Variants in GPAT2 observed in about 807,000 individuals in gnomAD.
GPAT2 encodes the protein glycerol-3-phosphate acyltransferase 2, mitochondrial, also known as 1-acylglycerol-3-phosphate O-acyltransferase GPAT2.
GPAT2 carries 51 observed loss-of-function variants against 71.0 expected under a neutral mutation model. The ratio of observed to expected loss-of-function variants is 0.72; its 90% CI spans 0.57 to 0.91. The LOEUF (loss-of-function observed/expected upper bound fraction) is 0.91. GPAT2 is among the 40% of genes least tolerant of loss of function. GPAT2 has a pLI of 0.00. For missense variants in GPAT2, 511 were observed against 666.0 expected, an observed-to-expected ratio of 0.77 and a Z score of 2.56; for synonymous variants, 222 against 290.3, an observed-to-expected ratio of 0.76 and a Z score of 2.39.
chr2:96,024,733 C>G (rs770099689), intron 14 of GPAT2, 40 bp downstream of exon 14: 4 of 1,613,154 alleles, frequency 2.5e-6, no homozygotes, highest in East Asian at 2.2e-5. Context: ...CATCGCCACC[C>G]CCCCCACCGC....
chr2:96,034,095 T>C (rs1391817951), intron 1 of GPAT2, among the ~76,000 whole-genome samples: 13 of 146,236 alleles, frequency 8.9e-5, no homozygotes, highest in South Asian at 2.2e-4. Flanking sequence ...TACATATATA[T>C]ACACACACAC....
chr2:96,022,926 G>C (rs1679850858), intron 20 of GPAT2, 32 bp downstream of exon 20: 1 of 1,613,522 alleles, frequency 6.2e-7, no homozygotes, highest in South Asian at 1.1e-5. Context: ...ACCACTGCCT[G>C]CAGGAGCCTG....
At chr2:96,033,683 C>T (rs1680817168) in intron 1 of GPAT2, among the ~76,000 whole-genome samples, 1 of 60,944 alleles carries the variant, frequency 1.6e-5, no homozygotes, top group Non-Finnish European at 3.5e-5. Flanking sequence ...CCCAAAGGCA[C>T]TCTGTTATCT....
At position 96,024,214 on chromosome 2, in the gene GPAT2, A is replaced by G. The variant is rs1322452175; in HGVS notation, c.1811T>C (p.Leu604Pro). The G allele has an allele frequency of 3.3e-6, 5 of 1,537,732 alleles. No homozygotes were observed. The highest frequency in any genetic ancestry group is 4.4e-6 in the Non-Finnish European group (5 of 1,137,302). Residue 604 changes from leucine (L) to proline (P), a missense_variant, in exon 16 of 22, where the codon CTG (leucine) becomes CCG (proline). Leu to Pro is a moderately conservative substitution (Grantham distance 98). Coordinates refer to ENST00000434632, the MANE Select transcript of GPAT2 (RefSeq NM_001321527.2). Reference sequence around the variant, plus strand: ...CTTTAGCAGCAGCAGGTCTTGCGGCAGCAGGTGCATCAGCAGCAGGATCTG... The same window carrying G: ...CTTTAGCAGCAGCAGGTCTTGCGGCGGCAGGTGCATCAGCAGCAGGATCTG... ...YRQILLLMHL[L>P]PQDLLLLKPC...
Position 96,032,097 on chromosome 2 carries a change from G to A in GPAT2, c.113C>T (p.Pro38Leu). 1.3e-6 allele frequency: 2 copies of A among 1,542,470 alleles called. No homozygotes were observed. Among genetic ancestry groups the A allele is most frequent in the Non-Finnish European group, 1.8e-6 (2 of 1,126,786 alleles). Residue 38 changes from proline to leucine, a missense_variant, in exon 3 of 22, where the codon CCA becomes CTA. Pro to Leu is a moderately conservative substitution (Grantham distance 98). Around this residue, in one of 7 missense-constraint regions of GPAT2, gnomAD observed 21 missense variants for 71.6 expected, o/e 0.29. Transcript: ENST00000434632. ...GFGMKLEAVT[P>L]FLGKYRPFVG... is the part of the protein sequence containing the mutation. Reference sequence around the variant, plus strand: ...AAAGGGGCGATACTTCCCCAGGAATGGAGTGACAGCCTCCAGCTTCATCCC... The same window carrying A: ...AAAGGGGCGATACTTCCCCAGGAATAGAGTGACAGCCTCCAGCTTCATCCC...
chr2:96,033,982 TATACATATATA>T (rs1310350643), intron 1 of GPAT2, among the ~76,000 whole-genome samples: 10 of 151,536 alleles, frequency 6.6e-5, no homozygotes, highest in African/African-American at 2.4e-4. Flanking sequence ...CACACACATA[TATACATATATA>T]ATACATATAT....
intron 17 of GPAT2, 181 bp downstream of exon 17, chr2:96,023,742 A>G (rs1418279554): frequency 8.3e-7 from 1 of 1,206,952 alleles, no homozygotes; most frequent in South Asian, 1.6e-5. Flanking sequence ...ATAGGTGGCT[A>G]TATCCCAAGG....
At chr2:96,023,878 G>A (rs534406872) in intron 17 of GPAT2, 45 bp downstream of exon 17, 1 of 1,548,190 alleles carries the variant, frequency 6.5e-7, no homozygotes, top group South Asian at 1.2e-5. Context: ...GGCTGGAGGA[G>A]GCCAGGCTCC....
At position 96,023,949 on chromosome 2, in the gene GPAT2, G is replaced by A. The variant is rs748304623; in HGVS notation, c.1888C>T (p.Gln630Ter). Residue 630 changes from glutamine to a stop codon, truncating the protein, a stop_gained, in exon 17 of 22, where the codon CAA becomes TAA. Coordinates refer to ENST00000434632, the MANE Select transcript of GPAT2 (RefSeq NM_001321527.2). LOFTEE classifies it high-confidence loss of function. ...TCCTCAGCAACCAGGAGCCCGCATT[G>A]GATGAGCCGGTCCAGCACCTCCTGA... ...YCQEVLDRLI[Q>*]CGLLVAEETP... 21 of 1,606,324 alleles carry A rather than the reference G, an allele frequency of 1.3e-5. No homozygotes were observed. Among genetic ancestry groups the A allele is most frequent in the Non-Finnish European group, 1.8e-5 (21 of 1,176,760 alleles).
In GPAT2 at chr2:96,023,406, C is replaced by G. The variant is rs199705437; in HGVS notation, c.1949G>C (p.Arg650Pro). ...PGSRPACDTG[R>P]QRLSRKLLWK... ...CAGCAGCTTTCTGCTCAATCGCTGT[C>G]GCCCTGTGTCACAGGCTGGCCGGGA... The change falls in exon 18 of 22, where the codon CGA (arginine) becomes CCA (proline). Residue 650 changes from arginine to proline, a missense_variant. Physicochemically the swap from Arg to Pro is moderately radical, Grantham distance 103 (BLOSUM62 -2). Transcript: ENST00000434632. 2 of 1,614,126 alleles carry G rather than the reference C, an allele frequency of 1.2e-6. No homozygotes were observed. The highest frequency in any genetic ancestry group is 2.2e-5 in the South Asian group (2 of 91,084).
Position 96,021,981 on chromosome 2 carries a change from C to T in GPAT2, c.*178G>A, listed in dbSNP as rs189607504. 884 of 1,410,278 alleles carry T rather than the reference C, an allele frequency of 6.3e-4. 4 individuals carry two copies. The highest frequency in any genetic ancestry group is 7.8e-4 in the Middle Eastern group (3 of 3,842). 87.4% of individuals were successfully genotyped at this position (1,410,278 alleles called of 1,614,324 possible). Reference sequence around the variant, plus strand: ...CTGGGGAAAAGACAACTCGTCTCGTCCCCTTGTTTATCACATCAAAGAAGG... The same window carrying T: ...CTGGGGAAAAGACAACTCGTCTCGTTCCCTTGTTTATCACATCAAAGAAGG... On this transcript the variant is annotated 3_prime_UTR_variant, in exon 22 of 22. Coordinates refer to ENST00000434632, the MANE Select transcript of GPAT2 (RefSeq NM_001321527.2).
chr2:96,022,657 G>C lies in GPAT2; in HGVS notation c.2289+11C>G. The stretch of plus-strand genomic sequence containing the variant: ...AGGGGGACAGAAGATGGTGACAGTG[G>C]CTCCTCTCACCCCTAGGTCTCTGAA... On this transcript the variant is annotated intron_variant, in intron 21 of 21. Coordinates refer to ENST00000434632, the MANE Select transcript of GPAT2 (RefSeq NM_001321527.2). 6.2e-7 allele frequency: 1 copy of C among 1,613,652 alleles called. No homozygotes were observed. The highest frequency in any genetic ancestry group is 8.5e-7 in the Non-Finnish European group (1 of 1,179,556).
At chr2:96,033,994 A>G (rs1311185161) in intron 1 of GPAT2, among the ~76,000 whole-genome samples, 1 of 151,688 alleles carries the variant, frequency 6.6e-6, no homozygotes, top group Non-Finnish European at 1.5e-5. Flanking sequence ...TACATATATA[A>G]TACATATATA....
intron 13 of GPAT2, chr2:96,025,175 C>T (rs954844330): frequency 9.4e-5 from 53 of 563,918 alleles, no homozygotes; most frequent in African/African-American, 8.8e-4. Flanking sequence ...TCAGTTAACA[C>T]CATCTCCACC....
At chr2:96,034,088 A>G (rs867926360) in intron 1 of GPAT2, among the ~76,000 whole-genome samples, 28 of 148,260 alleles carry the variant, frequency 1.9e-4, no homozygotes, top group African/African-American at 6.6e-4. Flanking sequence ...ACATATATAC[A>G]TATATATACA....
At chr2:96,024,403 T>C in intron 15 of GPAT2, 24 bp downstream of exon 15, 2 of 1,611,478 alleles carry the variant, frequency 1.2e-6, no homozygotes, top group Non-Finnish European at 1.7e-6. Context: ...ACATCCCACC[T>C]ACCCCGTGCA....
At chr2:96,026,362 T>C in intron 10 of GPAT2, 57 bp from the exon 11 acceptor site, 16 of 1,409,290 alleles carry the variant, frequency 1.1e-5, no homozygotes, top group Non-Finnish European at 1.5e-5. Flanking sequence ...CGGGCGGACA[T>C]CAGGGCTGCC....
chr2:96,023,576 C>T lies in GPAT2; in HGVS notation c.1915-136G>A, dbSNP rs563557086. 7.9e-5 allele frequency: 74 copies of T among 934,122 alleles called. 1 individual carries two copies. In the African/African-American group the frequency reaches 1.1e-3, roughly 13 times the overall value. 57.9% of individuals were successfully genotyped at this position (934,122 alleles called of 1,614,324 possible). On this transcript the variant is annotated intron_variant, in intron 17 of 21. Coordinates refer to ENST00000434632, the MANE Select transcript of GPAT2 (RefSeq NM_001321527.2). ...GAGGATGGCCAGAGCCATGCCCCAG[C>T]ACCTGCTGGGCCAACTTGCAGAGTG...
chr2:96,023,281 C>T (rs1382856388), intron 18 of GPAT2, 28 bp downstream of exon 18: 1 of 1,614,020 alleles, frequency 6.2e-7, no homozygotes, highest in South Asian at 1.1e-5. Flanking sequence ...CTACCACCTC[C>T]CTCCAGGGGC....
Sources: allele counts gnomAD v4.1 joint callset (sites outside exome capture counted in the v4.1 genomes callset), GRCh38; gene constraint gnomAD v4.1.1; regional missense constraint gnomAD v4.1.1; transcripts MANE v1.5; gene names NCBI Gene and HGNC (gene_info 2026-07-23, HGNC 2026-07-21).